The following NR4A1 variants were observed in gnomAD, a reference collection of about 807,000 sequenced individuals.
The protein encoded by NR4A1 is nuclear receptor subfamily 4immunitygroup A member 1.
Under a neutral mutation model 47.5 loss-of-function variants are expected in NR4A1, and 24 were observed. The ratio of observed to expected loss-of-function variants is 0.50; its 90% CI spans 0.37 to 0.71. The LOEUF (loss-of-function observed/expected upper bound fraction) is 0.71. Among genes scored for constraint, NR4A1 ranks in the 30% least tolerant of loss-of-function variants. The pLI, the probability that NR4A1 is intolerant of heterozygous loss-of-function variation, is 0.00. For missense variants in NR4A1, 669 were observed against 788.6 expected (o/e 0.85, Z 1.82); for synonymous variants, 353 against 345.7 (o/e 1.02, Z -0.24).
intron 1 of NR4A1, among the ~76,000 whole-genome samples, chr12:52,033,258 T>A (rs1938168837): frequency 6.6e-6 from 1 of 150,794 alleles, no homozygotes; most frequent in Non-Finnish European, 1.5e-5. Context: ...CGCGGGCCCC[T>A]CAGGGAGGAC....
chr12:52,052,572 T>C, intron 1 of NR4A1: 11 of 985,362 alleles, frequency 1.1e-5, no homozygotes, highest in Non-Finnish European at 1.3e-5. Flanking sequence ...GAAGCCGGAT[T>C]CTCCCCACTG....
At chr12:52,043,757 C>G (rs770595648) in intron 2 of NR4A1, 4 of 1,284,304 alleles carry the variant, frequency 3.1e-6, no homozygotes, top group Non-Finnish European at 4.1e-6. Context: ...TGCCCAGCCT[C>G]GGCTGTGAGG....
intron 1 of NR4A1, among the ~76,000 whole-genome samples, chr12:52,036,737 G>C (rs747998304): frequency 6.6e-6 from 1 of 152,264 alleles, no homozygotes; most frequent in Non-Finnish European, 1.5e-5. Flanking sequence ...AATGCCAAGC[G>C]ATGCAGGCAG....
intron 2 of NR4A1, among the ~76,000 whole-genome samples, chr12:52,042,501 A>G (rs1938477777): frequency 6.6e-6 from 1 of 152,086 alleles, no homozygotes; most frequent in Non-Finnish European, 1.5e-5. Flanking sequence ...CCCTTCCACT[A>G]CTGGTGTTCT....
chr12:52,055,079 A>G lies in NR4A1; in HGVS notation c.751A>G (p.Thr251Ala). The G allele has an allele frequency of 1.2e-6, 2 of 1,614,196 alleles. No homozygotes were observed. Among genetic ancestry groups the G allele is most frequent in the Non-Finnish European group, 1.7e-6 (2 of 1,180,020 alleles). Residue 251 changes from threonine (T) to alanine (A), a missense_variant, in exon 2 of 7, where the codon ACC becomes GCC. Coordinates refer to ENST00000394825, the MANE Select transcript of NR4A1 (RefSeq NM_173157.3). ...CTCGGGGATACTGGATACACCCGTG[A>G]CCTCAACCAAGGCCCGGAGCGGGGC... ...EGSGILDTPV[T>A]STKARSGAPG...
At chr12:52,025,593 C>T (rs1937985148) in intron 1 of NR4A1, among the ~76,000 whole-genome samples, 1 of 152,202 alleles carries the variant, frequency 6.6e-6, no homozygotes, top group Admixed American at 6.5e-5. Context: ...GCAGCTCACC[C>T]GGCTCTGTTT....
At position 52,054,585 on chromosome 12, in the gene NR4A1, C is replaced by T. The variant is rs1239864247; in HGVS notation, c.257C>T (p.Ser86Phe). Residue 86 changes from serine (S) to phenylalanine (F), a missense_variant, in exon 2 of 7, where the codon TCC becomes TTC. By Grantham distance (155) the Ser-to-Phe change is radical. Transcript: ENST00000394825. Reference sequence around the variant, plus strand: ...TGCTCCTCAGCCTCCTCCTCGGCCTCCTCCACATCCTCGTCCTCAGCCACC... The same window carrying T: ...TGCTCCTCAGCCTCCTCCTCGGCCTTCTCCACATCCTCGTCCTCAGCCACC... ...QPCSSASSSASSTSSSSATSP... is the reference protein window; with the variant it reads ...QPCSSASSSAFSTSSSSATSP... The T allele has an allele frequency of 1.2e-6, 2 of 1,614,182 alleles. No homozygotes were observed. The highest frequency in any genetic ancestry group is 2.2e-5 in the East Asian group (1 of 44,884).
chr12:52,034,217 A>T (rs2120934110), intron 1 of NR4A1, among the ~76,000 whole-genome samples: 1 of 152,240 alleles, frequency 6.6e-6, no homozygotes, highest in Non-Finnish European at 1.5e-5. Flanking sequence ...ACTGGGCCCT[A>T]CATTCTCTTC....
chr12:52,055,901 G>T, intron 2 of NR4A1, 129 bp from the exon 3 acceptor site: 1 of 475,120 alleles, frequency 2.1e-6, no homozygotes, highest in South Asian at 4.7e-5. Context: ...CCAAATGTTA[G>T]AAAAATAGCT....
upstream of NR4A1, among the ~76,000 whole-genome samples, chr12:52,050,165 G>A (rs1281776155): frequency 4.6e-5 from 7 of 152,186 alleles, no homozygotes; most frequent in African/African-American, 1.7e-4. Context: ...AGATCAGGGT[G>A]GAAGGGTGAC....
chr12:52,038,068 C>T, intron 1 of NR4A1: 1 of 985,620 alleles, frequency 1.0e-6, no homozygotes, highest in Non-Finnish European at 1.2e-6. Flanking sequence ...AACGCCCCCC[C>T]TTTCTTTTTT....
chr12:52,026,524 C>T (rs934277745), intron 1 of NR4A1, among the ~76,000 whole-genome samples: 1 of 152,190 alleles, frequency 6.6e-6, no homozygotes, highest in African/African-American at 2.4e-5. Context: ...CTCACAACAA[C>T]TCAGGGAGGT....
chr12:52,027,476 G>A (rs1031289818), intron 1 of NR4A1, among the ~76,000 whole-genome samples: 4 of 152,240 alleles, frequency 2.6e-5, no homozygotes, highest in Admixed American at 2.6e-4. Context: ...TCCCAGCCAC[G>A]CTGTGCCCAC....
chr12:52,023,600 C>T (rs1345967888), intron 1 of NR4A1, among the ~76,000 whole-genome samples: 1 of 151,942 alleles, frequency 6.6e-6, no homozygotes, highest in Non-Finnish European at 1.5e-5. Flanking sequence ...GCCGCAGACA[C>T]GGGCGCCTCT....
At chr12:52,032,199 G>C (rs113229642) in intron 1 of NR4A1, among the ~76,000 whole-genome samples, 5 of 152,338 alleles carry the variant, frequency 3.3e-5, no homozygotes, top group African/African-American at 1.2e-4. Context: ...ATTAGTATTT[G>C]AATCAGTAGA....
intron 1 of NR4A1, among the ~76,000 whole-genome samples, chr12:52,027,982 G>T (rs1347675532): frequency 1.3e-5 from 2 of 151,996 alleles, no homozygotes; most frequent in African/African-American, 2.4e-5. Flanking sequence ...TGGGAGGATT[G>T]CTTGAGTCCA....
chr12:52,037,573 G>A (rs1335853610), intron 1 of NR4A1: 2 of 983,788 alleles, frequency 2.0e-6, no homozygotes, highest in Non-Finnish European at 2.4e-6. Context: ...AGTCGGGGGG[G>A]GGACTGGATT....
intron 1 of NR4A1, among the ~76,000 whole-genome samples, chr12:52,029,837 G>C (rs1938081949): frequency 6.6e-6 from 1 of 152,198 alleles, no homozygotes; most frequent in Non-Finnish European, 1.5e-5. Flanking sequence ...TCTCCCTTGA[G>C]GGTTGTCACC....
At chr12:52,023,690 C>T (rs1355736551) in intron 1 of NR4A1, among the ~76,000 whole-genome samples, 1 of 151,992 alleles carries the variant, frequency 6.6e-6, no homozygotes, top group Non-Finnish European at 1.5e-5. Context: ...CCCGGCCCAG[C>T]CCCTCCCCTG....
Sources: gnomAD v4.1 joint callset for allele counts (sites outside exome capture counted in the v4.1 genomes callset) on GRCh38, gnomAD v4.1.1 for gene constraint, MANE v1.5 for transcripts, NCBI Gene and HGNC (gene_info 2026-07-23, HGNC 2026-07-21) for gene names.